ZRANB1: variants seen among roughly 807,000 people sequenced by gnomAD.
ZRANB1 encodes the protein ubiquitin thioesterase ZRANB1.
ZRANB1 carries 16 observed loss-of-function variants against 80.5 expected under a neutral mutation model. The observed-to-expected ratio is 0.20, with a 90% CI of 0.13 to 0.30. The LOEUF is 0.30. ZRANB1 is among the 10% of genes least tolerant of loss of function. ZRANB1 has a pLI of 1.00. For synonymous variants in ZRANB1, 291 were observed against 293.1 expected (o/e 0.99, Z 0.07); for missense variants, 576 against 862.6 (o/e 0.67, Z 4.16).
chr10:124,955,517 G>T (rs1951681766), intron 1 of ZRANB1, among the ~76,000 whole-genome samples: 1 of 152,114 alleles, frequency 6.6e-6, no homozygotes. Flanking sequence ...GTAGTCCTTG[G>T]CTAACTTTGC....
chr10:124,922,323 T>TATATATATATGTAAA, the ZRANB1 span, among the ~76,000 whole-genome samples: 1 of 22,948 alleles, frequency 4.4e-5, no homozygotes, highest in Non-Finnish European at 1.9e-4. Flanking sequence ...ATGTAAAATA[T>TATATATATATGTAAA]ATGTATATAT....
At position 124,943,261 on chromosome 10, in the gene ZRANB1, A is replaced by G. The variant is rs1951552112; in HGVS notation, c.768A>G (p.Lys256=). The G allele has an allele frequency of 6.2e-7, 1 of 1,613,992 alleles. No individual in the cohort carries two copies. Among genetic ancestry groups the G allele is most frequent in the South Asian group, 1.1e-5 (1 of 91,072 alleles). ...EVDFKKLKQI[K]NRMKKTDWLF... is the part of the protein sequence containing the mutation. Reference sequence around the variant, plus strand: ...ACTTTAAAAAACTAAAGCAAATTAAAAACAGGATGAAAAAGACTGATTGGC... The same window carrying G: ...ACTTTAAAAAACTAAAGCAAATTAAGAACAGGATGAAAAAGACTGATTGGC... Residue 256 remains lysine (K), a synonymous_variant, in exon 1 of 9, where the codon AAA becomes AAG. Coordinates refer to ENST00000359653, the MANE Select transcript of ZRANB1 (RefSeq NM_017580.3).
the ZRANB1 span, among the ~76,000 whole-genome samples, chr10:124,922,260 A>AATATATATATATATATATGTAAAATATAT: frequency 9.4e-6 from 1 of 105,968 alleles, no homozygotes; most frequent in African/African-American, 3.7e-5. Flanking sequence ...ATATATGTAA[A>AATATATATATATATATATGTAAAATATAT]ATATATATAT....
the ZRANB1 span, among the ~76,000 whole-genome samples, chr10:124,930,963 G>C: frequency 6.6e-6 from 1 of 152,252 alleles, no homozygotes; most frequent in Admixed American, 6.5e-5. Flanking sequence ...CTGGGAGGTC[G>C]AGGTTGCAGT....
intron 3 of ZRANB1, among the ~76,000 whole-genome samples, chr10:124,973,317 T>C (rs545177598): frequency 6.6e-6 from 1 of 152,172 alleles, no homozygotes; most frequent in Admixed American, 6.5e-5. Context: ...CTTGTCTGAT[T>C]AATTTTTGTA....
intron 5 of ZRANB1, chr10:124,981,341 C>CTA (rs1951930749): frequency 6.0e-6 from 1 of 167,310 alleles, no homozygotes; most frequent in Non-Finnish European, 1.3e-5. Flanking sequence ...AGGTGGTGTA[C>CTA]TATACATTGA....
chr10:124,966,874 C>A, intron 2 of ZRANB1, 93 bp downstream of exon 2: 1 of 1,234,690 alleles, frequency 8.1e-7, no homozygotes, highest in Non-Finnish European at 1.1e-6. Context: ...CTCTAAGCAG[C>A]TTTAAAATGT....
chr10:124,945,751 T>A (rs1311118025), intron 1 of ZRANB1: 1 of 152,196 alleles, frequency 6.6e-6, no homozygotes, highest in Non-Finnish European at 1.5e-5. Flanking sequence ...TTTCTACATA[T>A]CCTTACTACT....
chr10:124,933,435 C>T, the ZRANB1 span, among the ~76,000 whole-genome samples: 10 of 152,288 alleles, frequency 6.6e-5, no homozygotes, highest in East Asian at 1.9e-3. Flanking sequence ...CTGTGCCTGG[C>T]TGACAGAAAT....
chr10:124,973,719 A>G lies in ZRANB1; in HGVS notation c.1228+3A>G. 1 of 1,611,966 alleles carries G rather than the reference A, an allele frequency of 6.2e-7. No homozygotes were observed. On this transcript the variant is annotated splice_donor_region_variant and intron_variant, in intron 4 of 8. Transcript: ENST00000359653. ...GCTTGATAGAGACGTTCAAAAAGGT[A>G]AGCATGGAATTAATGAGTATAATTT...
intron 6 of ZRANB1, among the ~76,000 whole-genome samples, chr10:124,982,469 G>A (rs76794014): frequency 0.089 from 13,479 of 152,268 alleles, 745 homozygotes; most frequent in Admixed American, 0.16. Flanking sequence ...AATGAAGGCT[G>A]CTTGTGACAC....
rs1236967383 is a variant in ZRANB1, at chr10:124,986,277, G to GCACACACACA, written c.*1288_*1289insACACACACAC. The GCACACACACA allele has an allele frequency of 4.7e-5, 1 of 21,408 alleles. No homozygotes were observed. Among genetic ancestry groups the GCACACACACA allele is most frequent in the Non-Finnish European group, 1.3e-4 (1 of 7,640 alleles). The allele number at this position is 21,408 out of a possible 1,614,324, so 1.3% of individuals were successfully genotyped here. A position where few individuals can be genotyped will look rare whatever the true frequency, so the allele number is the denominator to read the frequency against. ...CCAGGAATTTGGAAAGACGACACAC[G>GCACACACACA]CACGCGCGCGCGCGCACACACACAC... On this transcript the variant is annotated 3_prime_UTR_variant, in exon 9 of 9. Transcript: ENST00000359653.
intron 1 of ZRANB1, among the ~76,000 whole-genome samples, chr10:124,962,053 C>T (rs1233953122): frequency 6.6e-6 from 1 of 152,174 alleles, no homozygotes; most frequent in African/African-American, 2.4e-5. Context: ...ATTTAAAAAA[C>T]AGCTCATTAG....
intron 1 of ZRANB1, among the ~76,000 whole-genome samples, chr10:124,954,812 C>G (rs113003778): frequency 0.081 from 12,336 of 151,390 alleles, 689 homozygotes; most frequent in Admixed American, 0.16. Flanking sequence ...GGTCTTGCAT[C>G]TTATTAATAG....
chr10:124,927,214 C>G, the ZRANB1 span, among the ~76,000 whole-genome samples: 2 of 152,134 alleles, frequency 1.3e-5, no homozygotes, highest in African/African-American at 4.8e-5. Context: ...CTCGGCCTCC[C>G]AAAGTGCTGG....
Position 124,983,110 on chromosome 10 carries a change from T to A in ZRANB1, c.1549-65T>A. On this transcript the variant is annotated intron_variant, in intron 6 of 8. Coordinates refer to ENST00000359653, the MANE Select transcript of ZRANB1 (RefSeq NM_017580.3). The surrounding 1 kb of genome is among the most constrained non-coding windows in gnomAD (Gnocchi z 6.2). Reference sequence around the variant, plus strand: ...TATACTGAAGGGGAGGTAGTATTGTTTTTTACACATCAGTTTTCCAGGAGT... The same window carrying A: ...TATACTGAAGGGGAGGTAGTATTGTATTTTACACATCAGTTTTCCAGGAGT... The A allele has an allele frequency of 6.5e-7, 1 of 1,543,304 alleles. No homozygotes were observed. Among genetic ancestry groups the A allele is most frequent in the Non-Finnish European group, 8.7e-7 (1 of 1,145,618 alleles).
chr10:124,922,322 ATATGTATATATATATTTT>A, the ZRANB1 span, among the ~76,000 whole-genome samples: 1 of 14,818 alleles, frequency 6.7e-5, no homozygotes, highest in South Asian at 3.8e-3. Flanking sequence ...TATGTAAAAT[ATATGTATATATATATTTT>A]TTTTTTAATA....
Position 124,987,488 on chromosome 10 carries a change from T to C in ZRANB1, c.*2496T>C, listed in dbSNP as rs1952084079. 6.6e-6 allele frequency: 1 copy of C among 152,208 alleles called. No individual in the cohort carries two copies. The allele number at this position is 152,208 out of a possible 1,614,324, so 9.4% of individuals were successfully genotyped here. On this transcript the variant is annotated 3_prime_UTR_variant, in exon 9 of 9. Coordinates refer to ENST00000359653, the MANE Select transcript of ZRANB1 (RefSeq NM_017580.3). ...TTAGGTTCATCGTGTCCCAGACTTC[T>C]TCACATATTCGTGAAGGTAAGATAT...
intron 5 of ZRANB1, among the ~76,000 whole-genome samples, chr10:124,980,756 G>T (rs946234143): frequency 6.6e-6 from 1 of 152,056 alleles, no homozygotes; most frequent in African/African-American, 2.4e-5. Flanking sequence ...AGTTACTTGT[G>T]ACACCACCCA....
Sources: gnomAD v4.1 joint callset for allele counts (sites outside exome capture counted in the v4.1 genomes callset) on GRCh38, gnomAD v4.1.1 for gene constraint, Gnocchi (gnomAD v3.1) non-coding constraint, MANE v1.5 for transcripts, NCBI Gene and HGNC (gene_info 2026-07-23, HGNC 2026-07-21) for gene names.